Variants in CCDC102B observed in about 807,000 individuals in gnomAD.
The protein encoded by CCDC102B is coiled-coil domain containing 102B, also known as coiled-coil domain-containing protein 102B.
A neutral mutation model predicts 57.4 loss-of-function variants in CCDC102B; 75 were observed. The observed-to-expected ratio is 1.31, with a 90% CI of 1.08 to 1.58. The LOEUF (loss-of-function observed/expected upper bound fraction) is 1.58, where lower values mean the gene tolerates loss of function less well. CCDC102B is among the 40% of genes most tolerant of loss of function. The pLI is 0.00. For missense variants in CCDC102B, 636 were observed against 582.6 expected, an observed-to-expected ratio of 1.09 and a Z score of -0.94; for synonymous variants, 206 against 201.9, an observed-to-expected ratio of 1.02 and a Z score of -0.17.
At chr18:68,888,015 C>G (rs1219552109) in intron 5 of CCDC102B, among the ~76,000 whole-genome samples, 1 of 152,148 alleles carries the variant, frequency 6.6e-6, no homozygotes, top group Admixed American at 6.5e-5. Flanking sequence ...GGCACATGAT[C>G]ACACATTAAG....
Position 68,846,432 on chromosome 18 carries a change from A to G in CCDC102B, c.936+11A>G, listed in dbSNP as rs779553660. ...AAAAATGTGAAAGAGGTATGGGGGA[A>G]TATGATGTAAAGGAAGAAATGAAGC... On this transcript the variant is annotated intron_variant, in intron 4 of 7. Transcript: ENST00000360242. 1.8e-5 allele frequency: 27 copies of G among 1,478,638 alleles called. No individual in the cohort carries two copies. The highest frequency in any genetic ancestry group is 4.9e-5 in the East Asian group (2 of 41,004). The allele number at this position is 1,478,638 out of a possible 1,614,324, so 91.6% of individuals were successfully genotyped here.
chr18:68,816,705 C>A (rs1425334122), intron 1 of CCDC102B, among the ~76,000 whole-genome samples: 1 of 152,128 alleles, frequency 6.6e-6, no homozygotes, highest in East Asian at 1.9e-4. Context: ...ACATCGTGAT[C>A]CGCCCGCCTC....
At chr18:68,914,131 A>G (rs1379812055) in intron 6 of CCDC102B, among the ~76,000 whole-genome samples, 2 of 152,214 alleles carry the variant, frequency 1.3e-5, no homozygotes, top group African/African-American at 4.8e-5. Flanking sequence ...AGCTTACAGT[A>G]TGTCCTCAAA....
rs540927759 is a variant in CCDC102B at position 68,767,964 on chromosome 18, A to AGT, written c.-67+51370_-67+51371insGT. Among the ~76,000 whole-genome samples, 637 of 152,286 alleles carry AGT rather than the reference A, an allele frequency of 4.2e-3. 8 individuals carry two copies. Among genetic ancestry groups the AGT allele is most frequent in the African/African-American group, 0.015 (606 of 41,568 alleles). On this transcript the variant is annotated intron_variant, in intron 2 of 3. Transcript: ENST00000578970. The stretch of plus-strand genomic sequence containing the variant: ...TATATATAGTTTAAGAATAAAATAT[A>AGT]AAAATGATAGTAGTTGAAACATTTA...
Position 68,789,358 on chromosome 18 carries a change from T to C in CCDC102B, c.-66-34008T>C, listed in dbSNP as rs940848498. ...TCTTTGTGGCGTTCTCTGTATTTCC[T>C]GAATCTGAACGTTGGCCTGCTTTGC... On this transcript the variant is annotated intron_variant, in intron 2 of 3. Transcript: ENST00000578970. Among the ~76,000 whole-genome samples the C allele has an allele frequency of 3.9e-5, 6 of 152,276 alleles. No individual in the cohort carries two copies. In the East Asian group the frequency reaches 1.2e-3, roughly 29 times the overall value.
chr18:68,817,875 T>G (rs2036545462), intron 1 of CCDC102B, among the ~76,000 whole-genome samples: 2 of 152,184 alleles, frequency 1.3e-5, no homozygotes, highest in Non-Finnish European at 2.9e-5. Flanking sequence ...ATTAACTTCA[T>G]AAGACAAGGA....
chr18:68,956,212 T>C (rs965884234), intron 6 of CCDC102B, among the ~76,000 whole-genome samples: 5 of 149,324 alleles, frequency 3.3e-5, no homozygotes, highest in African/African-American at 7.4e-5. Flanking sequence ...TGTCCATCTG[T>C]TTATGGATGT....
intron 6 of CCDC102B, among the ~76,000 whole-genome samples, chr18:68,951,085 A>T (rs2049683905): frequency 1.3e-5 from 2 of 152,128 alleles, no homozygotes; most frequent in East Asian, 3.9e-4. Context: ...GTGGAGAAAA[A>T]CTGAGCATAC....
At chr18:68,870,922 A>G (rs1395593102) in intron 4 of CCDC102B, among the ~76,000 whole-genome samples, 1 of 152,206 alleles carries the variant, frequency 6.6e-6, no homozygotes, top group African/African-American at 2.4e-5. Context: ...TTTTTCTACC[A>G]TATATGAATA....
intron 7 of CCDC102B, among the ~76,000 whole-genome samples, chr18:69,034,757 G>GTA (rs1374007301): frequency 4.2e-4 from 64 of 151,218 alleles, no homozygotes; most frequent in African/African-American, 1.4e-3. Context: ...CTGTGCATGT[G>GTA]TATATATATA....
chr18:68,735,727 A>G (rs955093792), intron 2 of CCDC102B, among the ~76,000 whole-genome samples: 9 of 152,296 alleles, frequency 5.9e-5, no homozygotes, highest in African/African-American at 2.2e-4. Flanking sequence ...GCCCATATCC[A>G]GGACTCTTTA....
chr18:68,831,338 T>C (rs1209372316), intron 1 of CCDC102B, among the ~76,000 whole-genome samples: 1 of 152,034 alleles, frequency 6.6e-6, no homozygotes, highest in African/African-American at 2.4e-5. Context: ...GAGGGAGCAA[T>C]GAAGAGTAAG....
At chr18:68,771,929 T>A (rs748035919) in intron 2 of CCDC102B, among the ~76,000 whole-genome samples, 30 of 150,298 alleles carry the variant, frequency 2.0e-4, no homozygotes, top group Non-Finnish European at 3.7e-4. Flanking sequence ...ATAAAGATTG[T>A]CAAGATACTT....
chr18:69,048,751 A>G (rs1044776863), intron 7 of CCDC102B, among the ~76,000 whole-genome samples: 2 of 152,044 alleles, frequency 1.3e-5, no homozygotes, highest in African/African-American at 4.8e-5. Flanking sequence ...TGGAAGAGTA[A>G]CAACTTAAAT....
intron 7 of CCDC102B, among the ~76,000 whole-genome samples, chr18:69,014,974 AGAGAGT>A (rs1261086274): frequency 2.6e-5 from 3 of 116,626 alleles, no homozygotes; most frequent in Non-Finnish European, 3.7e-5. Flanking sequence ...AGAGAGAGAG[AGAGAGT>A]GTGTGTGTGT....
At chr18:68,936,583 A>T (rs1012694080) in intron 6 of CCDC102B, among the ~76,000 whole-genome samples, 2 of 151,872 alleles carry the variant, frequency 1.3e-5, no homozygotes, top group Non-Finnish European at 2.9e-5. Flanking sequence ...ATGATTCCCT[A>T]ATGTATACAG....
intron 7 of CCDC102B, among the ~76,000 whole-genome samples, chr18:69,016,053 C>T (rs1369331570): frequency 7.0e-5 from 10 of 142,852 alleles, no homozygotes; most frequent in South Asian, 2.2e-4. Context: ...TTAGTAGAGA[C>T]GGGGTTTCAA....
At chr18:68,993,538 A>G (rs1363833676) in intron 6 of CCDC102B, among the ~76,000 whole-genome samples, 2 of 152,204 alleles carry the variant, frequency 1.3e-5, no homozygotes, top group African/African-American at 2.4e-5. Flanking sequence ...ATATTAGTGT[A>G]CTCACAACAA....
chr18:68,839,112 T>A (rs1002981290), intron 3 of CCDC102B, 186 bp downstream of exon 3: 4 of 604,536 alleles, frequency 6.6e-6, no homozygotes, highest in African/African-American at 1.9e-5. Flanking sequence ...TTATAACTTG[T>A]TAGTGTTTTC....
Sources: allele counts gnomAD v4.1 joint callset (sites outside exome capture counted in the v4.1 genomes callset), GRCh38; gene constraint gnomAD v4.1.1; transcripts MANE v1.5; gene names NCBI Gene and HGNC (gene_info 2026-07-23, HGNC 2026-07-21).